The following LRRC25 variants were observed in gnomAD, a reference collection of about 807,000 sequenced individuals.
LRRC25 encodes leucine rich repeat containing 25.
LRRC25 carries 5 observed loss-of-function variants against 18.8 expected under a neutral mutation model. The observed-to-expected ratio is 0.27, with a 90% CI of 0.14 to 0.56. LRRC25 has a LOEUF of 0.56. Among genes scored for constraint, LRRC25 ranks in the 20% least tolerant of loss-of-function variants. LRRC25 has a pLI of 0.93. For synonymous variants in LRRC25, 161 were observed against 176.8 expected (o/e 0.91, Z 0.71); for missense variants, 341 against 389.8 (o/e 0.87, Z 1.05).
rs1971974851 is a variant in LRRC25, at chr19:18,396,700, C to T, written c.264G>A (p.Glu88=). The stretch of plus-strand genomic sequence containing the variant: ...AGGGGTTGCGTAGCACGTTCAGGAC[C>T]TCAAGCTTCTGCAGGTGGGCAAAGA... The part of the protein sequence containing the change: ...VTFFAHLQKL[E]VLNVLRNPLS... The change falls in exon 1 of 2, where the codon GAG becomes GAA. Residue 88 remains glutamate, a synonymous_variant. Coordinates refer to ENST00000339007, the MANE Select transcript of LRRC25 (RefSeq NM_145256.3). 2.5e-6 allele frequency: 4 copies of T among 1,613,972 alleles called. No individual in the cohort carries two copies. The highest frequency in any genetic ancestry group is 1.1e-5 in the South Asian group (1 of 91,078).
intron 1 of LRRC25, among the ~76,000 whole-genome samples, chr19:18,393,342 G>A (rs186879419): frequency 2.0e-5 from 3 of 152,344 alleles, no homozygotes; most frequent in Admixed American, 2.0e-4. Flanking sequence ...GGGCCACTGG[G>A]CCAGGTGCGG....
rs150448187 is a variant in LRRC25 at position 18,396,557 on chromosome 19, G to A, written c.407C>T (p.Pro136Leu). ...IRRDNCSGQK[P>L]LLCWDTTSSQ... ...GCTGGTTGTGTCCCAGCAGAGCAGA[G>A]GCTTCTGGCCAGAGCAGTTGTCTCG... Residue 136 changes from proline to leucine, a missense_variant, in exon 1 of 2, where the codon CCT becomes CTT. Pro to Leu is a moderately conservative substitution (Grantham distance 98, BLOSUM62 -3). Transcript: ENST00000339007. The A allele has an allele frequency of 1.4e-4, 232 of 1,613,882 alleles. 1 individual carries two copies. In the Admixed American group the frequency reaches 1.6e-3, roughly 11 times the overall value.
At chr19:18,392,873 C>T (rs1301236104) in intron 1 of LRRC25, among the ~76,000 whole-genome samples, 1 of 151,998 alleles carries the variant, frequency 6.6e-6, no homozygotes, top group Non-Finnish European at 1.5e-5. Flanking sequence ...GCCTGGAGTC[C>T]CATCTCCTCG....
At chr19:18,395,685 T>G (rs1971959167) in intron 1 of LRRC25, among the ~76,000 whole-genome samples, 1 of 152,156 alleles carries the variant, frequency 6.6e-6, no homozygotes, top group South Asian at 2.1e-4. Flanking sequence ...CAACACACTA[T>G]GATGGGGGCT....
Position 18,391,965 on chromosome 19 carries a change from T to G in LRRC25, c.*22A>C. 6.2e-7 allele frequency: 1 copy of G among 1,608,096 alleles called. No individual in the cohort carries two copies. Among genetic ancestry groups the G allele is most frequent in the Non-Finnish European group, 8.5e-7 (1 of 1,176,076 alleles). On this transcript the variant is annotated 3_prime_UTR_variant, in exon 2 of 2. Coordinates refer to ENST00000339007, the MANE Select transcript of LRRC25 (RefSeq NM_145256.3). ...CAGCAGGGACTGAAGGGGTTCTGGG[T>G]GGAGGTTAGGACATCTTAGGCTCAG...
At position 18,397,218 on chromosome 19, in the gene LRRC25, C is replaced by T; in HGVS notation, c.-255G>A. Reference sequence around the variant, plus strand: ...AGGAGGAGATCCGGGCCAGTTAACCCCTTCTTCTATGTCCTGAACATTTGG... The same window carrying T: ...AGGAGGAGATCCGGGCCAGTTAACCTCTTCTTCTATGTCCTGAACATTTGG... On this transcript the variant is annotated 5_prime_UTR_variant, in exon 1 of 2. Transcript: ENST00000339007. 1 of 555,998 alleles carries T rather than the reference C, an allele frequency of 1.8e-6. No individual in the cohort carries two copies. Among genetic ancestry groups the T allele is most frequent in the Non-Finnish European group, 3.2e-6 (1 of 310,766 alleles). 34.4% of individuals were successfully genotyped at this position (555,998 alleles called of 1,614,324 possible).
chr19:18,395,454 T>TG (rs958704262), intron 1 of LRRC25, among the ~76,000 whole-genome samples: 10 of 150,288 alleles, frequency 6.7e-5, no homozygotes, highest in African/African-American at 2.2e-4. Context: ...CATGGGGAAA[T>TG]GGGGGGCTGT....
chr19:18,393,569 C>T lies in LRRC25; in HGVS notation c.780-1444G>A, dbSNP rs191290740. Among the ~76,000 whole-genome samples the T allele has an allele frequency of 5.4e-4, 82 of 151,484 alleles. 1 individual carries two copies. In the East Asian group the frequency reaches 0.015, roughly 27 times the overall value. ...CCGGGAGGTGAAGGTTGCAGTGAGC[C>T]GAGATCATGCCATTGCACTCTAGCC... On this transcript the variant is annotated intron_variant, in intron 1 of 1. Coordinates refer to ENST00000339007, the MANE Select transcript of LRRC25 (RefSeq NM_145256.3).
intron 1 of LRRC25, among the ~76,000 whole-genome samples, chr19:18,395,362 C>G (rs893615835): frequency 7.4e-5 from 10 of 136,052 alleles, no homozygotes; most frequent in African/African-American, 2.6e-4. Flanking sequence ...CAGGGCCAGA[C>G]TCCATCTCAA....
chr19:18,396,359 T>C lies in LRRC25; in HGVS notation c.605A>G (p.Asn202Ser), dbSNP rs1278998445. ...RCRVARSREL[N>S]KPWAAQDGPK... ...CCCATCCTGAGCAGCCCAGGGTTTG[T>C]TCAGCTCCCGGCTTCTGGCCACTCG... Residue 202 changes from asparagine to serine, a missense_variant, in exon 1 of 2, where the codon AAC (asparagine) becomes AGC (serine). Coordinates refer to ENST00000339007, the MANE Select transcript of LRRC25 (RefSeq NM_145256.3). The C allele has an allele frequency of 3.1e-6, 5 of 1,613,812 alleles. No individual in the cohort carries two copies. Among genetic ancestry groups the C allele is most frequent in the Non-Finnish European group, 4.2e-6 (5 of 1,179,996 alleles).
At chr19:18,394,945 G>A (rs572574802) in intron 1 of LRRC25, among the ~76,000 whole-genome samples, 6 of 152,250 alleles carry the variant, frequency 3.9e-5, no homozygotes, top group South Asian at 2.1e-4. Context: ...TGGGTGCGGC[G>A]GCATGTGCCT....
rs1213674100 is a variant in LRRC25, at chr19:18,391,915, AGGC to A, written c.*69_*71del. The A allele has an allele frequency of 3.9e-6, 6 of 1,527,662 alleles. No homozygotes were observed. The highest frequency in any genetic ancestry group is 1.9e-5 in the Admixed American group (1 of 52,456). The allele number at this position is 1,527,662 out of a possible 1,614,324, so 94.6% of individuals were successfully genotyped here. On this transcript the variant is annotated 3_prime_UTR_variant, in exon 2 of 2. Transcript: ENST00000339007. ...TCAGATGGGGAAACTGAGGCCATGG[AGGC>A]GTTAGGACGCCCTGAGTCACCCAGC...
At chr19:18,393,487 G>C (rs114006787) in intron 1 of LRRC25, among the ~76,000 whole-genome samples, 5,737 of 152,202 alleles carry the variant, frequency 0.038, 330 homozygotes, top group African/African-American at 0.13. Context: ...GATGGTGGGC[G>C]CCTGTAATCC....
At chr19:18,395,627 AG>A (rs1003335993) in intron 1 of LRRC25, among the ~76,000 whole-genome samples, 21 of 152,228 alleles carry the variant, frequency 1.4e-4, no homozygotes, top group African/African-American at 4.6e-4. Context: ...ACAGGTCATA[AG>A]GGGGGGAAGT....
Position 18,392,213 on chromosome 19 carries a change from C to G in LRRC25, c.780-88G>C, listed in dbSNP as rs770169570. The G allele has an allele frequency of 2.1e-6, 3 of 1,395,748 alleles. No individual in the cohort carries two copies. The Admixed American group carries it at 5.1e-5, about 24-fold the overall frequency. 86.5% of individuals were successfully genotyped at this position (1,395,748 alleles called of 1,614,324 possible). A position where few individuals can be genotyped will look rare whatever the true frequency, so the allele number is the denominator to read the frequency against. On this transcript the variant is annotated intron_variant, in intron 1 of 1. Transcript: ENST00000339007. ...GAGCTTTGAGAAAGTCCAGAGTGGG[C>G]CAGGTGCTCTGACTCACGCCTGTAA...
In LRRC25 at chr19:18,397,547, G is replaced by T. The variant is rs961617778; in HGVS notation, c.-584C>A. The T allele has an allele frequency of 6.4e-6, 1 of 155,536 alleles. No homozygotes were observed. Among genetic ancestry groups the T allele is most frequent in the Non-Finnish European group, 1.4e-5 (1 of 69,746 alleles). 9.6% of individuals were successfully genotyped at this position (155,536 alleles called of 1,614,324 possible). A position where few individuals can be genotyped will look rare whatever the true frequency, so the allele number is the denominator to read the frequency against. On this transcript the variant is annotated 5_prime_UTR_variant, in exon 1 of 2. Transcript: ENST00000339007. ...CCTGGCCCACCTGGACACGGGGGCCGCAGCGGCCACGGCCAGCACCGTCCG... is the reference window on the plus strand; with the variant it reads ...CCTGGCCCACCTGGACACGGGGGCCTCAGCGGCCACGGCCAGCACCGTCCG...
At chr19:18,394,964 AACT>A (rs1391398444) in intron 1 of LRRC25, among the ~76,000 whole-genome samples, 1 of 152,164 alleles carries the variant, frequency 6.6e-6, no homozygotes. Flanking sequence ...CTGTGGTCCC[AACT>A]ACTCTGGAGA....
intron 1 of LRRC25, among the ~76,000 whole-genome samples, chr19:18,394,594 C>T (rs990174371): frequency 6.6e-6 from 1 of 152,166 alleles, no homozygotes; most frequent in Non-Finnish European, 1.5e-5. Flanking sequence ...CATGAGCCAC[C>T]GTGCCCGGCC....
Position 18,392,013 on chromosome 19 carries a change from C to A in LRRC25, c.892G>T (p.Glu298Ter). Reference sequence around the variant, plus strand: ...CAGTGCCCGGGGATCACGTACTCCTCTTCATCCATTGGGGCCTGGCCCAGT... The same window carrying A: ...CAGTGCCCGGGGATCACGTACTCCTATTCATCCATTGGGGCCTGGCCCAGT... ...QSLGQAPMDE[E>*]EYVIPGH Residue 298 changes from glutamate (E) to a stop codon, truncating the protein, a stop_gained, in exon 2 of 2, where the codon GAG becomes TAG. Transcript: ENST00000339007. LOFTEE classifies it high-confidence loss of function. The A allele has an allele frequency of 6.2e-7, 1 of 1,614,116 alleles. No homozygotes were observed. Among genetic ancestry groups the A allele is most frequent in the African/African-American group, 1.3e-5 (1 of 75,052 alleles).
Sources: allele counts gnomAD v4.1 joint callset (sites outside exome capture counted in the v4.1 genomes callset), GRCh38; gene constraint gnomAD v4.1.1; transcripts MANE v1.5; gene names NCBI Gene and HGNC (gene_info 2026-07-23, HGNC 2026-07-21).